The following ADAMTS18 variants were observed in gnomAD, a reference collection of about 807,000 sequenced individuals.
ADAMTS18 encodes A disintegrin and metalloproteinase with thrombospondin motifs 18.
Under a neutral mutation model 165.9 loss-of-function variants are expected in ADAMTS18, and 157 were observed. The ratio of observed to expected loss-of-function variants is 0.95; its 90% CI spans 0.83 to 1.08. The LOEUF (loss-of-function observed/expected upper bound fraction) is 1.08. Among genes scored for constraint, ADAMTS18 ranks in the 50% least tolerant of loss-of-function variants. ADAMTS18 has a pLI of 0.00. For missense variants in ADAMTS18, 2,040 were observed against 1,534.0 expected (o/e 1.33, Z -5.51); for synonymous variants, 782 against 578.2 (o/e 1.35, Z -5.06).
At chr16:77,401,620 G>C (rs549527045) in intron 3 of ADAMTS18, among the ~76,000 whole-genome samples, 1 of 152,268 alleles carries the variant, frequency 6.6e-6, no homozygotes, top group East Asian at 1.9e-4. Context: ...AATTGACTGG[G>C]CTAAGGGATT....
chr16:77,431,348 A>G lies in ADAMTS18; in HGVS notation c.442T>C (p.Phe148Leu). The change falls in exon 3 of 23, where the codon TTT becomes CTT. Residue 148 changes from phenylalanine to leucine, a missense_variant. Physicochemically the swap from Phe to Leu is conservative, Grantham distance 22. Coordinates refer to ENST00000282849, the MANE Select transcript of ADAMTS18 (RefSeq NM_199355.4). Reference protein sequence around the residue: ...PEVQQCFYQGFIRNDSSSSVA... With the variant: ...PEVQQCFYQGLIRNDSSSSVA... ...GAGGAGGAGCTGTCATTTCTGATAAATCCCTGATAGAAGCATTGCTGCACC... is the reference window on the plus strand; with the variant it reads ...GAGGAGGAGCTGTCATTTCTGATAAGTCCCTGATAGAAGCATTGCTGCACC... The G allele has an allele frequency of 6.2e-7, 1 of 1,614,134 alleles. No homozygotes were observed.
At chr16:77,428,131 C>T (rs1456683003) in intron 3 of ADAMTS18, among the ~76,000 whole-genome samples, 2 of 152,284 alleles carry the variant, frequency 1.3e-5, no homozygotes, top group Non-Finnish European at 1.5e-5. Context: ...TGGCCCCACT[C>T]AGAGAAACAC....
intron 21 of ADAMTS18, among the ~76,000 whole-genome samples, chr16:77,289,810 AC>A (rs1282994102): frequency 6.6e-6 from 1 of 152,198 alleles, no homozygotes; most frequent in Non-Finnish European, 1.5e-5. Flanking sequence ...ATAGTTCAAA[AC>A]TGGGACAGAA....
chr16:77,419,981 G>C (rs1309562803), intron 3 of ADAMTS18, among the ~76,000 whole-genome samples: 1 of 136,440 alleles, frequency 7.3e-6, no homozygotes, highest in East Asian at 2.1e-4. Context: ...CCGGGCAACA[G>C]TGTGAGACTC....
At chr16:77,291,663 GAAACCAAAGT>G (rs1308170361) in intron 20 of ADAMTS18, among the ~76,000 whole-genome samples, 185 bp from the exon 21 acceptor site, 1 of 152,332 alleles carries the variant, frequency 6.6e-6, no homozygotes, top group African/African-American at 2.4e-5. Flanking sequence ...TATAGGTAAG[GAAACCAAAGT>G]TCAGAGAACG....
chr16:77,348,582 A>G (rs900562975), intron 10 of ADAMTS18, among the ~76,000 whole-genome samples: 9 of 152,196 alleles, frequency 5.9e-5, no homozygotes, highest in African/African-American at 2.2e-4. Context: ...GGGATGAGAG[A>G]AGAGGCAGAG....
chr16:77,340,427 G>A (rs973002498), intron 11 of ADAMTS18, among the ~76,000 whole-genome samples: 3 of 152,012 alleles, frequency 2.0e-5, no homozygotes, highest in Non-Finnish European at 4.4e-5. Context: ...CACCCACCTT[G>A]GCCTCTCAAA....
intron 16 of ADAMTS18, among the ~76,000 whole-genome samples, chr16:77,300,680 A>G (rs540193470): frequency 6.6e-6 from 1 of 152,116 alleles, no homozygotes; most frequent in Non-Finnish European, 1.5e-5. Context: ...ACACAAACAC[A>G]TACATACACA....
chr16:77,306,774 C>A (rs2055689842), intron 16 of ADAMTS18, among the ~76,000 whole-genome samples: 1 of 152,246 alleles, frequency 6.6e-6, no homozygotes, highest in South Asian at 2.1e-4. Flanking sequence ...TTGATAACGA[C>A]ATTAAGAAGA....
intron 16 of ADAMTS18, among the ~76,000 whole-genome samples, chr16:77,317,206 C>T (rs143659024): frequency 2.6e-5 from 4 of 152,174 alleles, no homozygotes; most frequent in Non-Finnish European, 5.9e-5. Flanking sequence ...GTACTGTACC[C>T]TCCAACACTC....
At chr16:77,431,961 C>A (rs1597269077) in intron 2 of ADAMTS18, among the ~76,000 whole-genome samples, 1 of 152,194 alleles carries the variant, frequency 6.6e-6, no homozygotes, top group East Asian at 1.9e-4. Flanking sequence ...CAGAACCATT[C>A]ATATATATAA....
At chr16:77,314,781 TATATAAAA>T (rs1341419905) in intron 16 of ADAMTS18, among the ~76,000 whole-genome samples, 3 of 88,334 alleles carry the variant, frequency 3.4e-5, no homozygotes, top group African/African-American at 8.8e-5. Flanking sequence ...TATATATATA[TATATAAAA>T]TATATGTGAT....
chr16:77,300,555 T>G (rs2055563212), intron 16 of ADAMTS18, 151 bp from the exon 17 acceptor site: 1 of 933,302 alleles, frequency 1.1e-6, no homozygotes, highest in Admixed American at 2.0e-5. Flanking sequence ...TTATGTTGAC[T>G]TAAAGCTTTC....
chr16:77,419,317 A>G (rs1305983949), intron 3 of ADAMTS18, among the ~76,000 whole-genome samples: 2 of 152,104 alleles, frequency 1.3e-5, no homozygotes, highest in Non-Finnish European at 2.9e-5. Flanking sequence ...TGTTGGCAGA[A>G]TTCACTTCCC....
intron 3 of ADAMTS18, among the ~76,000 whole-genome samples, chr16:77,402,150 G>A (rs189880444): frequency 1.4e-3 from 210 of 152,260 alleles, no homozygotes; most frequent in African/African-American, 4.6e-3. Flanking sequence ...TCTACGGAAC[G>A]CTGACTAATA....
intron 12 of ADAMTS18, among the ~76,000 whole-genome samples, chr16:77,334,919 A>T (rs1234532281): frequency 7.2e-6 from 1 of 139,044 alleles, no homozygotes; most frequent in Non-Finnish European, 1.5e-5. Flanking sequence ...ACATTATAGT[A>T]TATAGTATAT....
chr16:77,326,222 T>C (rs541324623), intron 12 of ADAMTS18, among the ~76,000 whole-genome samples, 184 bp from the exon 13 acceptor site: 205 of 152,284 alleles, frequency 1.3e-3, no homozygotes, highest in African/African-American at 4.9e-3. Flanking sequence ...GAATCTAGGC[T>C]AGACATAACT....
At chr16:77,399,378 G>C (rs2057298138) in intron 3 of ADAMTS18, among the ~76,000 whole-genome samples, 1 of 152,164 alleles carries the variant, frequency 6.6e-6, no homozygotes, top group Non-Finnish European at 1.5e-5. Flanking sequence ...CCCAGAGTTA[G>C]AACTAGACAC....
intron 10 of ADAMTS18, among the ~76,000 whole-genome samples, chr16:77,353,055 G>A (rs984046090): frequency 1.3e-5 from 2 of 152,004 alleles, no homozygotes; most frequent in Admixed American, 1.3e-4. Context: ...CCTCAAGCCT[G>A]GGCAACACAG....
Sources: gnomAD v4.1 joint callset for allele counts (sites outside exome capture counted in the v4.1 genomes callset) on GRCh38, gnomAD v4.1.1 for gene constraint, MANE v1.5 for transcripts, NCBI Gene and HGNC (gene_info 2026-07-23, HGNC 2026-07-21) for gene names.